SNX24: variants seen among roughly 807,000 people sequenced by gnomAD.
The protein encoded by SNX24 is sorting nexin 24.
Under a neutral mutation model 28.7 loss-of-function variants are expected in SNX24, and 22 were observed. The ratio of observed to expected loss-of-function variants is 0.77; its 90% CI spans 0.55 to 1.10. The LOEUF (loss-of-function observed/expected upper bound fraction) is 1.10. SNX24 is among the 50% of genes least tolerant of loss of function. The pLI is 0.00. For missense variants in SNX24, 221 were observed against 201.1 expected, an observed-to-expected ratio of 1.10 and a Z score of -0.60; for synonymous variants, 69 against 71.5, an observed-to-expected ratio of 0.96 and a Z score of 0.18.
intron 3 of SNX24, among the ~76,000 whole-genome samples, chr5:122,966,472 AGAT>A (rs1760719020): frequency 1.3e-5 from 2 of 152,192 alleles, no homozygotes; most frequent in African/African-American, 4.8e-5. Flanking sequence ...AAGCTACCAT[AGAT>A]GATACATAAA....
At chr5:122,941,311 C>T (rs1759434663) in intron 2 of SNX24, among the ~76,000 whole-genome samples, 1 of 152,176 alleles carries the variant, frequency 6.6e-6, no homozygotes, top group East Asian at 1.9e-4. Context: ...CTGTCTACTA[C>T]TAACACCTTT....
chr5:122,873,862 T>C (rs1756101764), intron 1 of SNX24, among the ~76,000 whole-genome samples: 1 of 150,630 alleles, frequency 6.6e-6, no homozygotes, highest in South Asian at 2.1e-4. Flanking sequence ...ACCTCCCAAG[T>C]TCAAGCGATT....
At chr5:122,911,316 G>T (rs1247081684) in intron 1 of SNX24, among the ~76,000 whole-genome samples, 4 of 152,088 alleles carry the variant, frequency 2.6e-5, no homozygotes, top group African/African-American at 4.8e-5. Flanking sequence ...TGATGGGGTT[G>T]TTTGTTTTTT....
chr5:122,915,899 A>C (rs1024617027), intron 1 of SNX24, among the ~76,000 whole-genome samples: 1 of 151,412 alleles, frequency 6.6e-6, no homozygotes, highest in African/African-American at 2.4e-5. Context: ...TCCACCGTCA[A>C]CTCCCCCCAG....
intron 3 of SNX24, among the ~76,000 whole-genome samples, chr5:122,976,472 A>T (rs1010805005): frequency 3.3e-5 from 5 of 152,228 alleles, no homozygotes; most frequent in Admixed American, 2.6e-4. Context: ...TATTATCACT[A>T]GCCAAATAAG....
At chr5:123,000,669 C>A (rs1161201680) in intron 4 of SNX24, among the ~76,000 whole-genome samples, 4 of 152,116 alleles carry the variant, frequency 2.6e-5, no homozygotes, top group African/African-American at 9.7e-5. Flanking sequence ...AAAGCTCTCC[C>A]GAAGAATTAA....
intron 2 of SNX24, among the ~76,000 whole-genome samples, chr5:122,944,424 T>A (rs535561982): frequency 2.9e-5 from 2 of 68,420 alleles, no homozygotes; most frequent in African/African-American, 1.9e-4. Context: ...CTGAATGACA[T>A]TGATTTTTTT....
chr5:122,993,121 A>T (rs548841344), intron 3 of SNX24, among the ~76,000 whole-genome samples: 1 of 152,212 alleles, frequency 6.6e-6, no homozygotes, highest in South Asian at 2.1e-4. Context: ...ACCATAGCAG[A>T]TATCCATTTG....
chr5:122,847,250 A>C (rs577208250), intron 1 of SNX24, among the ~76,000 whole-genome samples: 44 of 152,010 alleles, frequency 2.9e-4, no homozygotes, highest in Non-Finnish European at 5.0e-4. Flanking sequence ...CCCATTGTTG[A>C]TTTTCTTCTA....
chr5:123,001,829 A>G (rs1173953675), intron 5 of SNX24, 111 bp from the exon 6 acceptor site: 7 of 868,278 alleles, frequency 8.1e-6, no homozygotes, highest in African/African-American at 4.9e-5. Context: ...GTTAGAACAT[A>G]AACCTTGAGA....
At chr5:123,028,572 T>A (rs1762896416) in intron 5 of SNX24, 1 of 462,154 alleles carries the variant, frequency 2.2e-6, no homozygotes, top group African/African-American at 2.0e-5. Flanking sequence ...ACCAAAACAA[T>A]CCTGCTTAAA....
chr5:122,869,578 TTTC>T (rs1755882031), intron 1 of SNX24, among the ~76,000 whole-genome samples: 2 of 152,228 alleles, frequency 1.3e-5, no homozygotes, highest in Admixed American at 1.3e-4. Context: ...TATCCTGAAA[TTTC>T]TTCTTAAATA....
At chr5:122,986,083 G>A (rs377267367) in intron 3 of SNX24, among the ~76,000 whole-genome samples, 7 of 100,328 alleles carry the variant, frequency 7.0e-5, no homozygotes, top group African/African-American at 1.9e-4. Flanking sequence ...AGAGGTGAGA[G>A]AAAGGAAGCA....
intron 1 of SNX24, among the ~76,000 whole-genome samples, chr5:122,898,827 T>C (rs1040714282): frequency 1.3e-5 from 2 of 152,200 alleles, no homozygotes; most frequent in Non-Finnish European, 2.9e-5. Context: ...GCAGCCAGAA[T>C]TGAGAATCAA....
chr5:122,875,485 G>A (rs2150055572), intron 1 of SNX24, among the ~76,000 whole-genome samples: 1 of 152,320 alleles, frequency 6.6e-6, no homozygotes, highest in Non-Finnish European at 1.5e-5. Flanking sequence ...ACAGAAGTAA[G>A]CCAGACTTGG....
chr5:123,022,003 C>T (rs1316670253), intron 5 of SNX24, among the ~76,000 whole-genome samples: 7 of 152,264 alleles, frequency 4.6e-5, no homozygotes, highest in East Asian at 1.9e-4. Flanking sequence ...TCCACTCCGA[C>T]GATGCTTCTC....
intron 1 of SNX24, among the ~76,000 whole-genome samples, chr5:122,871,702 G>A (rs548782584): frequency 5.4e-4 from 82 of 152,224 alleles, no homozygotes; most frequent in African/African-American, 1.5e-3. Context: ...CGTGGGAGGC[G>A]GAGGTTGCAG....
At chr5:122,909,335 A>G (rs778475844) in intron 1 of SNX24, among the ~76,000 whole-genome samples, 24 of 152,220 alleles carry the variant, frequency 1.6e-4, no homozygotes, top group Non-Finnish European at 3.2e-4. Flanking sequence ...TCTGCTTTAT[A>G]AATGTTAACT....
chr5:122,961,492 T>C (rs1760487306), intron 3 of SNX24, among the ~76,000 whole-genome samples: 1 of 152,228 alleles, frequency 6.6e-6, no homozygotes, highest in Admixed American at 6.5e-5. Flanking sequence ...TTGTTAAAGA[T>C]TGTGAACAGT....
Sources: gnomAD v4.1 joint callset for allele counts (sites outside exome capture counted in the v4.1 genomes callset) on GRCh38, gnomAD v4.1.1 for gene constraint, MANE v1.5 for transcripts, NCBI Gene and HGNC (gene_info 2026-07-23, HGNC 2026-07-21) for gene names.